The following PALLD variants were observed in gnomAD, a reference collection of about 807,000 sequenced individuals.
PALLD encodes the protein palladin.
A neutral mutation model predicts 123.5 loss-of-function variants in PALLD; 61 were observed. The ratio of observed to expected loss-of-function variants is 0.49; its 90% CI spans 0.40 to 0.61. The LOEUF is 0.61. Ranked by LOEUF, PALLD falls within the 20% of genes least tolerant of loss-of-function variation. The pLI is 0.00. For missense variants in PALLD, 1,273 were observed against 1,377.0 expected, an observed-to-expected ratio of 0.92 and a Z score of 1.20; for synonymous variants, 465 against 496.4, an observed-to-expected ratio of 0.94 and a Z score of 0.84.
intron 1 of PALLD, among the ~76,000 whole-genome samples, chr4:168,500,434 G>T (rs958475412): frequency 6.6e-6 from 1 of 152,046 alleles, no homozygotes; most frequent in Non-Finnish European, 1.5e-5. Flanking sequence ...CCTGATCATC[G>T]CTCACTGCAG....
chr4:168,716,617 C>A (rs1329071640), intron 10 of PALLD, among the ~76,000 whole-genome samples: 2 of 152,154 alleles, frequency 1.3e-5, no homozygotes, highest in Admixed American at 6.5e-5. Flanking sequence ...TTCTGCAAAT[C>A]CTGTCTCCAG....
At chr4:168,691,086 A>G (rs1782575315) in intron 7 of PALLD, among the ~76,000 whole-genome samples, 183 bp from the exon 8 acceptor site, 1 of 152,180 alleles carries the variant, frequency 6.6e-6, no homozygotes, top group Non-Finnish European at 1.5e-5. Context: ...TTGAGTTTTT[A>G]TATTTATAGA....
intron 10 of PALLD, among the ~76,000 whole-genome samples, chr4:168,855,351 A>G (rs1314771086): frequency 6.6e-6 from 1 of 152,210 alleles, no homozygotes; most frequent in East Asian, 1.9e-4. Flanking sequence ...GGCCTCCCAG[A>G]GTGCTGGGAT....
chr4:168,543,360 G>A (rs531282494), intron 2 of PALLD, among the ~76,000 whole-genome samples: 3 of 144,618 alleles, frequency 2.1e-5, no homozygotes, highest in South Asian at 2.2e-4. Flanking sequence ...ACATAATCTC[G>A]TCTCAACTGC....
intron 1 of PALLD, among the ~76,000 whole-genome samples, chr4:168,509,115 C>T (rs115140269): frequency 4.1e-3 from 626 of 152,266 alleles, no homozygotes; most frequent in African/African-American, 0.015. Flanking sequence ...TACAATTTTA[C>T]AACTCTGTAA....
At chr4:168,838,616 G>A (rs1338940560) in intron 10 of PALLD, among the ~76,000 whole-genome samples, 1 of 147,342 alleles carries the variant, frequency 6.8e-6, no homozygotes, top group African/African-American at 2.5e-5. Flanking sequence ...GTATATTGGA[G>A]ATCAGAATTC....
intron 10 of PALLD, among the ~76,000 whole-genome samples, chr4:168,729,546 C>T (rs1786944552): frequency 6.6e-6 from 1 of 152,162 alleles, no homozygotes; most frequent in South Asian, 2.1e-4. Flanking sequence ...AAAACTCCCT[C>T]CCGGAATTCC....
intron 10 of PALLD, among the ~76,000 whole-genome samples, chr4:168,824,582 C>G (rs1181835427): frequency 2.0e-5 from 3 of 151,864 alleles, no homozygotes; most frequent in African/African-American, 7.3e-5. Context: ...ATATCATATA[C>G]TAATACAAGA....
chr4:168,920,212 T>C (rs1420415389), intron 17 of PALLD, among the ~76,000 whole-genome samples: 7 of 152,174 alleles, frequency 4.6e-5, no homozygotes, highest in Admixed American at 3.9e-4. Flanking sequence ...AGTGGATAGA[T>C]AGGAGAACAC....
At chr4:168,730,281 T>C in intron 10 of PALLD, among the ~76,000 whole-genome samples, 1 of 152,186 alleles carries the variant, frequency 6.6e-6, no homozygotes, top group East Asian at 1.9e-4. Flanking sequence ...ATTTCTGCTA[T>C]TGTATTTTTA....
intron 5 of PALLD, among the ~76,000 whole-genome samples, chr4:168,683,330 A>T (rs1430846389): frequency 6.6e-6 from 1 of 152,188 alleles, no homozygotes. Flanking sequence ...TTGCATTTCC[A>T]TTGGGAACTT....
At chr4:168,666,636 C>T (rs1249170802) in intron 2 of PALLD, among the ~76,000 whole-genome samples, 2 of 152,152 alleles carry the variant, frequency 1.3e-5, no homozygotes, top group African/African-American at 2.4e-5. Flanking sequence ...TATAAGAAAA[C>T]GATAGGGCCA....
intron 2 of PALLD, among the ~76,000 whole-genome samples, chr4:168,514,769 G>T (rs1475327024): frequency 1.3e-5 from 2 of 152,092 alleles, no homozygotes; most frequent in Admixed American, 6.5e-5. Context: ...AACCCTTGAA[G>T]TATACTACAA....
At chr4:168,855,991 C>T (rs1748554071) in intron 10 of PALLD, among the ~76,000 whole-genome samples, 1 of 152,178 alleles carries the variant, frequency 6.6e-6, no homozygotes, top group Non-Finnish European at 1.5e-5. Context: ...TTTTTCAGCC[C>T]CTCCCCACCT....
chr4:168,902,394 C>T (rs942452559), intron 14 of PALLD, among the ~76,000 whole-genome samples: 2 of 152,156 alleles, frequency 1.3e-5, no homozygotes, highest in African/African-American at 4.8e-5. Context: ...ATTAATTCAG[C>T]ATCTCAGCCA....
At chr4:168,801,255 T>TA (rs1167728344) in intron 10 of PALLD, among the ~76,000 whole-genome samples, 1 of 152,170 alleles carries the variant, frequency 6.6e-6, no homozygotes, top group Non-Finnish European at 1.5e-5. Context: ...GCTCTATAAC[T>TA]CTTTGTTAAA....
In PALLD at chr4:168,927,017, T is replaced by A. The variant is rs1203175348; in HGVS notation, c.*837T>A. On this transcript the variant is annotated 3_prime_UTR_variant, in exon 22 of 22. Transcript: ENST00000505667. ...GTTCTTAACATTTTTTTTCTTTATG[T>A]GTAGTGTTTTCATGCTACCTTGGTA... is the stretch of plus-strand genomic sequence containing the variant. 4.6e-6 allele frequency: 1 copy of A among 219,504 alleles called. No individual in the cohort carries two copies. Among genetic ancestry groups the A allele is most frequent in the Non-Finnish European group, 9.2e-6 (1 of 109,158 alleles). The allele number at this position is 219,504 out of a possible 1,614,324, so 13.6% of individuals were successfully genotyped here.
chr4:168,552,813 C>A (rs1378633156), intron 2 of PALLD, among the ~76,000 whole-genome samples: 2 of 151,984 alleles, frequency 1.3e-5, no homozygotes, highest in African/African-American at 2.4e-5. Context: ...GTAGCTGAGA[C>A]TACAGGCGCG....
At chr4:168,731,735 A>G (rs575944862) in intron 10 of PALLD, among the ~76,000 whole-genome samples, 1 of 152,246 alleles carries the variant, frequency 6.6e-6, no homozygotes, top group Non-Finnish European at 1.5e-5. Context: ...GGAAAAAAAG[A>G]TAGAAAAATC....
Sources: allele counts gnomAD v4.1 joint callset (sites outside exome capture counted in the v4.1 genomes callset), GRCh38; gene constraint gnomAD v4.1.1; transcripts MANE v1.5; gene names NCBI Gene and HGNC (gene_info 2026-07-23, HGNC 2026-07-21).